Variants in ZNF821 observed in about 807,000 individuals in gnomAD.
ZNF821 encodes zinc finger protein 821.
A neutral mutation model predicts 44.3 loss-of-function variants in ZNF821; 16 were observed. That is an observed-to-expected ratio of 0.36 (90% CI 0.24 to 0.55). The LOEUF is 0.55. Among genes scored for constraint, ZNF821 ranks in the 20% least tolerant of loss-of-function variants. The pLI is 0.86. For synonymous variants in ZNF821, 204 were observed against 197.6 expected (o/e 1.03, Z -0.27); for missense variants, 436 against 547.6 (o/e 0.80, Z 2.03).
Position 71,864,948 on chromosome 16 carries a change from TTCTAAC to T in ZNF821, c.261_266del (p.Leu88_Glu89del). 1 of 1,614,170 alleles carries T rather than the reference TTCTAAC, an allele frequency of 6.2e-7. No individual in the cohort carries two copies. Among genetic ancestry groups the T allele is most frequent in the Non-Finnish European group, 8.5e-7 (1 of 1,180,032 alleles). On this transcript the variant is annotated inframe_deletion, in exon 5 of 8. Transcript: ENST00000425432. ...TCCCACCAACAGGCTGTTCTGTATT[TTCTAAC>T]TCTTTCTCCACTTTGACCACCCCTC...
chr16:71,879,640 A>G (rs1413818053), intron 3 of ZNF821, among the ~76,000 whole-genome samples: 2 of 152,124 alleles, frequency 1.3e-5, no homozygotes, highest in Non-Finnish European at 2.9e-5. Flanking sequence ...TGTTAATGTG[A>G]TATTAAAGAT....
intron 4 of ZNF821, 122 bp from the exon 5 acceptor site, chr16:71,865,170 T>C (rs1193866704): frequency 7.7e-7 from 1 of 1,303,930 alleles, no homozygotes; most frequent in Non-Finnish European, 1.1e-6. Context: ...ATATAGTTTA[T>C]ATAGTTTTGT....
intron 5 of ZNF821, among the ~76,000 whole-genome samples, chr16:71,864,510 A>G (rs931619204): frequency 7.9e-5 from 12 of 152,198 alleles, no homozygotes; most frequent in Non-Finnish European, 1.6e-4. Flanking sequence ...TTTTCCTGTC[A>G]TGTTCCTTTC....
chr16:71,887,409 G>A (rs1027914278), upstream of ZNF821, among the ~76,000 whole-genome samples: 1 of 151,858 alleles, frequency 6.6e-6, no homozygotes, highest in African/African-American at 2.4e-5. Context: ...ACAGGTGCCC[G>A]CCACCACGCC....
Position 71,860,356 on chromosome 16 carries a change from G to T in ZNF821, c.901C>A (p.Arg301Ser). ...ATGCGCTGCAAGCGCTTGGCTTCAC[G>T]GTCCCTCATGCGCCTCACCTCCCGC... ...EEREVRRMRD[R>S]EAKRLQRMQE... The change falls in exon 8 of 8, where the codon CGT becomes AGT. Residue 301 changes from arginine (R) to serine (S), a missense_variant. Coordinates refer to ENST00000425432, the MANE Select transcript of ZNF821 (RefSeq NM_001201552.2). This position sits in a 1 kb window ranked among gnomAD's most constrained non-coding sequence, Gnocchi z 7.3. 6.2e-7 allele frequency: 1 copy of T among 1,611,664 alleles called. No individual in the cohort carries two copies. Among genetic ancestry groups the T allele is most frequent in the Non-Finnish European group, 8.5e-7 (1 of 1,180,016 alleles).
At chr16:71,870,636 C>T (rs1188070780) in intron 3 of ZNF821, among the ~76,000 whole-genome samples, 2 of 151,982 alleles carry the variant, frequency 1.3e-5, no homozygotes. Context: ...CCCAGTACCA[C>T]GCCTGGCTAA....
chr16:71,864,229 A>C lies in ZNF821; in HGVS notation c.326T>G (p.Leu109Trp). 6.2e-7 allele frequency: 1 copy of C among 1,614,216 alleles called. No homozygotes were observed. The highest frequency in any genetic ancestry group is 8.5e-7 in the Non-Finnish European group (1 of 1,180,028). The change falls in exon 6 of 8, where the codon TTG becomes TGG. Residue 109 changes from leucine (L) to tryptophan (W), a missense_variant. This residue lies in a region of ZNF821 where 238 missense variants were observed against 281.4 expected (regional missense o/e 0.85). Transcript: ENST00000425432. ...EVVEHEVTGN[L>W]NSDPLLELCQ... Reference sequence around the variant, plus strand: ...GAGTTCAAGCAAGGGGTCAGAATTCAAATTCCCTGTGACCTGTGATTCAAC... The same window carrying C: ...GAGTTCAAGCAAGGGGTCAGAATTCCAATTCCCTGTGACCTGTGATTCAAC...
chr16:71,884,069 C>G lies in ZNF821; in HGVS notation c.-302G>C, dbSNP rs904558580. The G allele has an allele frequency of 6.6e-6, 1 of 152,184 alleles. No individual in the cohort carries two copies. The highest frequency in any genetic ancestry group is 1.9e-4 in the East Asian group (1 of 5,160). 9.4% of individuals were successfully genotyped at this position (152,184 alleles called of 1,614,324 possible). ...GAAGGGGCTCCGGGCCGAGCCGAGCCGGTGGCGGGGAGCCGAGGGGCGGCG... is the reference window on the plus strand; with the variant it reads ...GAAGGGGCTCCGGGCCGAGCCGAGCGGGTGGCGGGGAGCCGAGGGGCGGCG... On this transcript the variant is annotated 5_prime_UTR_variant, in exon 1 of 8. Transcript: ENST00000425432.
chr16:71,875,346 A>G (rs1359485720), intron 3 of ZNF821, among the ~76,000 whole-genome samples: 1 of 151,494 alleles, frequency 6.6e-6, no homozygotes, highest in Non-Finnish European at 1.5e-5. Flanking sequence ...CAGTGGTGTG[A>G]TCTTGGCTCA....
upstream of ZNF821, among the ~76,000 whole-genome samples, chr16:71,884,394 C>T (rs918667249): frequency 6.6e-6 from 1 of 152,112 alleles, no homozygotes; most frequent in African/African-American, 2.4e-5. Flanking sequence ...CCGCCTCGCC[C>T]ATTCCCGGGT....
chr16:71,871,483 C>T (rs752240122), intron 3 of ZNF821, among the ~76,000 whole-genome samples: 2 of 152,202 alleles, frequency 1.3e-5, no homozygotes, highest in Non-Finnish European at 2.9e-5. Context: ...ATTATCCCTT[C>T]ATAAGAAGGC....
At chr16:71,893,699 T>C (rs1485237337) in intron 1 of ZNF821, among the ~76,000 whole-genome samples, 6 of 151,678 alleles carry the variant, frequency 4.0e-5, no homozygotes, top group Non-Finnish European at 4.4e-5. Context: ...CCTCAGGTGA[T>C]CCACCCGCCT....
In ZNF821 at chr16:71,859,979, G is replaced by A; in HGVS notation, c.*39C>T. ...CGTGGCTGTGGGTGTGGGTGGGTGG[G>A]TAGGTAGGTGGGAAGGAGGGCAGGC... On this transcript the variant is annotated 3_prime_UTR_variant, in exon 8 of 8. Transcript: ENST00000425432. The A allele has an allele frequency of 6.7e-7, 1 of 1,495,510 alleles. No individual in the cohort carries two copies. The highest frequency in any genetic ancestry group is 1.3e-5 in the South Asian group (1 of 75,620). 92.6% of individuals were successfully genotyped at this position (1,495,510 alleles called of 1,614,324 possible).
chr16:71,886,129 AT>A (rs1445724487), upstream of ZNF821, among the ~76,000 whole-genome samples: 1 of 152,238 alleles, frequency 6.6e-6, no homozygotes, highest in Non-Finnish European at 1.5e-5. Flanking sequence ...TGACTTCCAA[AT>A]AAAATGAGAT....
chr16:71,892,571 A>ATT (rs986384229), intron 1 of ZNF821, among the ~76,000 whole-genome samples: 8 of 122,490 alleles, frequency 6.5e-5, no homozygotes, highest in Non-Finnish European at 8.5e-5. Context: ...CCCGGCCAAA[A>ATT]TTTTTTTTTT....
At chr16:71,888,252 G>A (rs757893744), upstream of ZNF821, among the ~76,000 whole-genome samples, 6 of 152,052 alleles carry the variant, frequency 3.9e-5, no homozygotes, top group Non-Finnish European at 8.8e-5. Context: ...ACGGCACATA[G>A]TGTCCTTTGA....
chr16:71,871,241 C>T (rs1433311963), intron 3 of ZNF821, among the ~76,000 whole-genome samples: 1 of 152,094 alleles, frequency 6.6e-6, no homozygotes, highest in Non-Finnish European at 1.5e-5. Context: ...TCCTTTTTGG[C>T]AATTTGGAAA....
At chr16:71,868,633 G>A (rs1418805196) in intron 3 of ZNF821, among the ~76,000 whole-genome samples, 1 of 152,146 alleles carries the variant, frequency 6.6e-6, no homozygotes, top group Non-Finnish European at 1.5e-5. Flanking sequence ...ACAACTGGTT[G>A]AATAGTGGAC....
upstream of ZNF821, among the ~76,000 whole-genome samples, chr16:71,886,656 T>C (rs13332113): frequency 0.34 from 51,536 of 152,108 alleles, 9,410 homozygotes; most frequent in East Asian, 0.66. Flanking sequence ...GTTACATTTT[T>C]TTAAATTAAG....
Sources: allele counts gnomAD v4.1 joint callset (sites outside exome capture counted in the v4.1 genomes callset), GRCh38; gene constraint gnomAD v4.1.1; regional missense constraint gnomAD v4.1.1; non-coding constraint Gnocchi (gnomAD v3.1); transcripts MANE v1.5; gene names NCBI Gene and HGNC (gene_info 2026-07-23, HGNC 2026-07-21).